LRRC4C: variants seen among roughly 807,000 people sequenced by gnomAD.
The protein encoded by LRRC4C is leucine rich repeat containing 4C.
Under a neutral mutation model 33.6 loss-of-function variants are expected in LRRC4C, and 5 were observed. That is an observed-to-expected ratio of 0.15 (90% CI 0.08 to 0.31). The LOEUF is 0.31. Ranked by LOEUF, LRRC4C falls within the 10% of genes least tolerant of loss-of-function variation. The pLI, the probability that LRRC4C is intolerant of heterozygous loss-of-function variation, is 1.00. For synonymous variants in LRRC4C, 329 were observed against 302.0 expected (o/e 1.09, Z -0.93); for missense variants, 560 against 796.7 (o/e 0.70, Z 3.58).
In LRRC4C at chr11:40,284,377, AAG is replaced by A. The variant is rs1430873767; in HGVS notation, c.-176+35249_-176+35250del. On this transcript the variant is annotated intron_variant, in intron 4 of 6. Transcript: ENST00000528697. ...TCTAAAAACATATTTCAAGAATATA[AAG>A]AGGATGTTCAGCATTACTTGTTGGA... Among the ~76,000 whole-genome samples, 3 of 152,330 alleles carry A rather than the reference AAG, an allele frequency of 2.0e-5. No homozygotes were observed. The South Asian group carries it at 6.2e-4, about 32-fold the overall frequency.
At chr11:40,425,363 G>A (rs928481403) in intron 3 of LRRC4C, among the ~76,000 whole-genome samples, 1 of 152,176 alleles carries the variant, frequency 6.6e-6, no homozygotes, top group African/African-American at 2.4e-5. Flanking sequence ...CTCTTGCCAG[G>A]ACACACTGAG....
chr11:40,813,736 G>A (rs1030543610), intron 2 of LRRC4C, among the ~76,000 whole-genome samples: 1 of 152,036 alleles, frequency 6.6e-6, no homozygotes, highest in Non-Finnish European at 1.5e-5. Flanking sequence ...TACAATGAGG[G>A]TATCAGCATT....
At chr11:40,305,588 T>C (rs1187467244) in intron 4 of LRRC4C, among the ~76,000 whole-genome samples, 1 of 151,644 alleles carries the variant, frequency 6.6e-6, no homozygotes. Context: ...TGTATCCAGT[T>C]GTATTTACAT....
At chr11:40,634,169 ATGGAAAACTGT>A (rs1380013300) in intron 3 of LRRC4C, among the ~76,000 whole-genome samples, 4 of 152,192 alleles carry the variant, frequency 2.6e-5, no homozygotes, top group African/African-American at 9.6e-5. Flanking sequence ...CTAATAAAGG[ATGGAAAACTGT>A]TGGAAAACAG....
In LRRC4C at chr11:40,391,839, T is replaced by C. The variant is rs545316273; in HGVS notation, c.-269-72118A>G. ...AATTTTATGTCCACATAAAAACCTGTCTGCGAATGTTCCTAGCAGCTTTAA... is the reference window on the plus strand; with the variant it reads ...AATTTTATGTCCACATAAAAACCTGCCTGCGAATGTTCCTAGCAGCTTTAA... On this transcript the variant is annotated intron_variant, in intron 3 of 6. Transcript: ENST00000528697. 1.6e-3 allele frequency among the ~76,000 whole-genome samples: 244 copies of C among 152,314 alleles called. 1 individual carries two copies. The highest frequency in any genetic ancestry group is 2.4e-3 in the Non-Finnish European group (164 of 68,028).
At chr11:40,398,281 C>A (rs1344357311) in intron 3 of LRRC4C, among the ~76,000 whole-genome samples, 1 of 151,584 alleles carries the variant, frequency 6.6e-6, no homozygotes, top group Admixed American at 6.6e-5. Flanking sequence ...AAGTATAAGC[C>A]AACATATAAA....
chr11:40,414,212 G>A (rs1386125756), intron 3 of LRRC4C, among the ~76,000 whole-genome samples: 1 of 151,998 alleles, frequency 6.6e-6, no homozygotes, highest in African/African-American at 2.4e-5. Context: ...AAATCGTGTT[G>A]TAAAAGAAAG....
At chr11:40,405,928 C>G (rs903895335) in intron 3 of LRRC4C, among the ~76,000 whole-genome samples, 6 of 151,800 alleles carry the variant, frequency 4.0e-5, no homozygotes, top group African/African-American at 1.2e-4. Context: ...AGCTCTCTAT[C>G]CACAGTAGGC....
chr11:40,263,581 C>T (rs1942026223), intron 4 of LRRC4C, among the ~76,000 whole-genome samples: 1 of 152,248 alleles, frequency 6.6e-6, no homozygotes, highest in Admixed American at 6.5e-5. Flanking sequence ...ACTCAAATTC[C>T]TGGGCTCAAG....
At chr11:41,095,469 C>G (rs1311636377) in intron 1 of LRRC4C, among the ~76,000 whole-genome samples, 1 of 152,284 alleles carries the variant, frequency 6.6e-6, no homozygotes, top group East Asian at 1.9e-4. Context: ...ACATGTAAGT[C>G]TCTTTCACCA....
chr11:40,676,299 C>G lies in LRRC4C; in HGVS notation c.-406-28021G>C, dbSNP rs529825563. 3.0e-4 allele frequency among the ~76,000 whole-genome samples: 46 copies of G among 152,234 alleles called. No homozygotes were observed. In the South Asian group the frequency reaches 5.2e-3, roughly 17 times the overall value. On this transcript the variant is annotated intron_variant, in intron 2 of 6. Transcript: ENST00000528697. The stretch of plus-strand genomic sequence containing the variant: ...CATGCCTTTCTGGGTTCTTCTGAAT[C>G]AATACTTGTCCAATCCTTGTCTTTT...
chr11:41,012,260 G>A (rs1236843350), intron 1 of LRRC4C, among the ~76,000 whole-genome samples: 1 of 151,834 alleles, frequency 6.6e-6, no homozygotes, highest in Non-Finnish European at 1.5e-5. Context: ...CTCAGCCTCT[G>A]TTAACCACCA....
chr11:40,380,724 A>G (rs1948831521), intron 3 of LRRC4C, among the ~76,000 whole-genome samples: 1 of 152,212 alleles, frequency 6.6e-6, no homozygotes, highest in Non-Finnish European at 1.5e-5. Flanking sequence ...TATATTTAAT[A>G]ATAGTATCTG....
At chr11:40,892,476 A>C (rs1377129136) in intron 2 of LRRC4C, among the ~76,000 whole-genome samples, 3 of 152,202 alleles carry the variant, frequency 2.0e-5, no homozygotes, top group Admixed American at 1.3e-4. Flanking sequence ...GGTCTTACAC[A>C]GATATTTGTA....
chr11:41,428,942 A>G (rs1308787622), intron 1 of LRRC4C, among the ~76,000 whole-genome samples: 4 of 152,104 alleles, frequency 2.6e-5, no homozygotes, highest in Admixed American at 6.6e-5. Flanking sequence ...AAACATCTAC[A>G]CAGAGTTCAA....
rs571238706 is a variant in LRRC4C at position 41,336,253 on chromosome 11, A to T, written c.-496+123178T>A. Among the ~76,000 whole-genome samples the T allele has an allele frequency of 2.5e-3, 379 of 151,264 alleles. 3 individuals carry two copies. Among genetic ancestry groups the T allele is most frequent in the South Asian group, 0.019 (91 of 4,788 alleles). ...AATTATAGACTTTCCTTTTTTTTTA[A>T]AAAAAAAAGTAAGGTCTTCCTGTAC... On this transcript the variant is annotated intron_variant, in intron 1 of 6. Coordinates refer to ENST00000528697, the MANE Select transcript of LRRC4C (RefSeq NM_001258419.2).
At chr11:40,932,720 C>CT (rs34793326) in intron 2 of LRRC4C, among the ~76,000 whole-genome samples, 1 of 152,166 alleles carries the variant, frequency 6.6e-6, no homozygotes, top group East Asian at 1.9e-4. Context: ...ATAGCCTCAT[C>CT]TTTTTTTAAA....
At chr11:41,110,679 T>C (rs1186348033) in intron 1 of LRRC4C, among the ~76,000 whole-genome samples, 2 of 152,068 alleles carry the variant, frequency 1.3e-5, no homozygotes, top group African/African-American at 4.8e-5. Flanking sequence ...TTCAAAGATA[T>C]ATTTTCATAG....
chr11:41,009,120 T>A (rs1005282894), intron 1 of LRRC4C, among the ~76,000 whole-genome samples: 1 of 152,054 alleles, frequency 6.6e-6, no homozygotes, highest in Non-Finnish European at 1.5e-5. Context: ...CTGATTTAGA[T>A]AGATATTTGG....
Sources: gnomAD v4.1 joint callset for allele counts (sites outside exome capture counted in the v4.1 genomes callset) on GRCh38, gnomAD v4.1.1 for gene constraint, MANE v1.5 for transcripts, NCBI Gene and HGNC (gene_info 2026-07-23, HGNC 2026-07-21) for gene names.